FAM83B: variants seen among roughly 807,000 people sequenced by gnomAD.
FAM83B encodes scaffolding CK1 anchoring protein B.
A neutral mutation model predicts 38.8 loss-of-function variants in FAM83B; 26 were observed. The observed-to-expected ratio is 0.67, with a 90% CI of 0.49 to 0.93. FAM83B has a LOEUF of 0.93. FAM83B is among the 40% of genes least tolerant of loss of function. The pLI is 0.00. For missense variants in FAM83B, 1,237 were observed against 1,197.3 expected, an observed-to-expected ratio of 1.03 and a Z score of -0.49; for synonymous variants, 419 against 423.1, an observed-to-expected ratio of 0.99 and a Z score of 0.12.
At chr6:54,888,928 T>A (rs1772341360) in intron 2 of FAM83B, among the ~76,000 whole-genome samples, 2 of 152,074 alleles carry the variant, frequency 1.3e-5, no homozygotes, top group South Asian at 4.1e-4. Flanking sequence ...GTTCCAGCTA[T>A]CTCTCATTCA....
intron 2 of FAM83B, among the ~76,000 whole-genome samples, chr6:54,912,097 C>G (rs16886182): frequency 0.029 from 4,342 of 151,850 alleles, 216 homozygotes; most frequent in African/African-American, 0.099. Flanking sequence ...ACTTAACTGT[C>G]TGCTTGAGGA....
chr6:54,918,254 A>C (rs1346288765), intron 2 of FAM83B, among the ~76,000 whole-genome samples: 1 of 152,150 alleles, frequency 6.6e-6, no homozygotes, highest in African/African-American at 2.4e-5. Flanking sequence ...CATTTTTACA[A>C]ATATTTTCAG....
chr6:54,939,435 T>C (rs1172414284), intron 4 of FAM83B, among the ~76,000 whole-genome samples: 1 of 152,192 alleles, frequency 6.6e-6, no homozygotes, highest in African/African-American at 2.4e-5. Flanking sequence ...GCATTGAATC[T>C]GCAGATTGCT....
In FAM83B at chr6:54,916,797, T is replaced by C. The variant is rs181856597; in HGVS notation, c.445-9574T>C. On this transcript the variant is annotated intron_variant, in intron 2 of 4. Coordinates refer to ENST00000306858, the MANE Select transcript of FAM83B (RefSeq NM_001010872.3). ...GGCAGTATTTGTCTCTTTGACTCTATTTGCATGACTTACGAACCAACTTCT... is the reference window on the plus strand; with the variant it reads ...GGCAGTATTTGTCTCTTTGACTCTACTTGCATGACTTACGAACCAACTTCT... Among the ~76,000 whole-genome samples the C allele has an allele frequency of 2.5e-3, 381 of 152,324 alleles. 2 individuals carry two copies. Among genetic ancestry groups the C allele is most frequent in the African/African-American group, 8.7e-3 (361 of 41,568 alleles).
chr6:54,848,432 C>T (rs997348034), intron 1 of FAM83B, among the ~76,000 whole-genome samples: 4 of 152,156 alleles, frequency 2.6e-5, no homozygotes, highest in African/African-American at 9.7e-5. Context: ...GGAAGCATTA[C>T]CAGTTGAACA....
intron 1 of FAM83B, among the ~76,000 whole-genome samples, chr6:54,869,597 C>T (rs765513378): frequency 1.3e-5 from 2 of 152,090 alleles, no homozygotes; most frequent in Admixed American, 1.3e-4. Flanking sequence ...TTCTTGCCAC[C>T]TGATCAGATT....
At chr6:54,882,692 A>T (rs1214206065) in intron 2 of FAM83B, among the ~76,000 whole-genome samples, 1 of 152,032 alleles carries the variant, frequency 6.6e-6, no homozygotes. Flanking sequence ...TTTGTGCTTT[A>T]TCTCCTGCCT....
chr6:54,858,346 C>A (rs2127572616), intron 1 of FAM83B, among the ~76,000 whole-genome samples: 1 of 152,174 alleles, frequency 6.6e-6, no homozygotes, highest in South Asian at 2.1e-4. Context: ...GTTTTGCCTA[C>A]CTTTAGAGTA....
At chr6:54,847,020 A>AGTTGCTTCAG (rs1355518793) in intron 1 of FAM83B, among the ~76,000 whole-genome samples, 194 bp downstream of exon 1, 1 of 152,136 alleles carries the variant, frequency 6.6e-6, no homozygotes, top group Non-Finnish European at 1.5e-5. Context: ...TGTAAAGCTC[A>AGTTGCTTCAG]GTTGCTTCAG....
intron 2 of FAM83B, among the ~76,000 whole-genome samples, chr6:54,886,601 A>G (rs1000647275): frequency 1.3e-5 from 2 of 151,876 alleles, no homozygotes; most frequent in Non-Finnish European, 2.9e-5. Context: ...TGTATTAATG[A>G]CTGTTGGATT....
At chr6:54,856,280 G>A (rs554062177) in intron 1 of FAM83B, among the ~76,000 whole-genome samples, 76 of 152,282 alleles carry the variant, frequency 5.0e-4, no homozygotes, top group Non-Finnish European at 8.8e-4. Context: ...TGGCCAAGTC[G>A]TCTCCCTCTC....
chr6:54,890,398 T>A (rs985918997), intron 2 of FAM83B, among the ~76,000 whole-genome samples: 3 of 152,082 alleles, frequency 2.0e-5, no homozygotes, highest in Admixed American at 6.6e-5. Flanking sequence ...ATCAACACAG[T>A]TTTTAGGATT....
intron 2 of FAM83B, among the ~76,000 whole-genome samples, chr6:54,899,532 T>C (rs570207146): frequency 6.6e-6 from 1 of 152,326 alleles, no homozygotes; most frequent in Non-Finnish European, 1.5e-5. Flanking sequence ...AGCAGGTATT[T>C]ATTTCTCACA....
At chr6:54,904,226 T>C (rs546884136) in intron 2 of FAM83B, among the ~76,000 whole-genome samples, 1 of 152,300 alleles carries the variant, frequency 6.6e-6, no homozygotes, top group African/African-American at 2.4e-5. Context: ...TCACAGGTTT[T>C]TAATGTTGCT....
chr6:54,893,048 A>G (rs1772442319), intron 2 of FAM83B, among the ~76,000 whole-genome samples: 1 of 152,122 alleles, frequency 6.6e-6, no homozygotes, highest in Admixed American at 6.5e-5. Flanking sequence ...CAACTGTGTG[A>G]GTAAACCATC....
chr6:54,848,178 G>A (rs957132384), intron 1 of FAM83B, among the ~76,000 whole-genome samples: 2 of 152,136 alleles, frequency 1.3e-5, no homozygotes, highest in Non-Finnish European at 2.9e-5. Context: ...ATGATGGAAG[G>A]TTGGGAGTGC....
At chr6:54,932,706 C>T (rs1333983569) in intron 4 of FAM83B, among the ~76,000 whole-genome samples, 1 of 151,984 alleles carries the variant, frequency 6.6e-6, no homozygotes, top group East Asian at 1.9e-4. Context: ...TTAATTTCTC[C>T]TTCCTTTTGA....
chr6:54,883,646 A>G (rs952797206), intron 2 of FAM83B, among the ~76,000 whole-genome samples: 1 of 151,700 alleles, frequency 6.6e-6, no homozygotes, highest in Non-Finnish European at 1.5e-5. Flanking sequence ...GATTGTTTAA[A>G]ACTAGGTTAT....
Position 54,942,584 on chromosome 6 carries a change from G to A in FAM83B, c.*577G>A, listed in dbSNP as rs1379333728. Among the ~76,000 whole-genome samples the A allele has an allele frequency of 2.0e-5, 3 of 151,518 alleles. No homozygotes were observed. The South Asian group carries it at 6.3e-4, about 32-fold the overall frequency. On this transcript the variant is annotated 3_prime_UTR_variant, in exon 5 of 5. Coordinates refer to ENST00000306858, the MANE Select transcript of FAM83B (RefSeq NM_001010872.3). ...TTTTTTATTTTTTTTTCTGCCTGAA[G>A]TGTTTGCAAAGTATCAGCCTCATGT...
Sources: allele counts gnomAD v4.1 joint callset (sites outside exome capture counted in the v4.1 genomes callset), GRCh38; gene constraint gnomAD v4.1.1; transcripts MANE v1.5; gene names NCBI Gene and HGNC (gene_info 2026-07-23, HGNC 2026-07-21).